Variants in GALNS observed in about 807,000 individuals in gnomAD.
GALNS encodes N-acetylgalactosamine-6-sulfatase.
Under a neutral mutation model 65.9 loss-of-function variants are expected in GALNS, and 65 were observed. That is an observed-to-expected ratio of 0.99 (90% CI 0.81 to 1.21). The LOEUF is 1.21. Among genes scored for constraint, GALNS ranks in the 50% most tolerant of loss-of-function variants. The probability of loss-of-function intolerance (pLI) is 0.00; values close to 1 mark genes in which losing one functional copy is unlikely to be tolerated. For synonymous variants in GALNS, 346 were observed against 288.9 expected (o/e 1.20, Z -2.00); for missense variants, 776 against 700.7 (o/e 1.11, Z -1.21).
intron 12 of GALNS, among the ~76,000 whole-genome samples, chr16:88,818,474 T>C (rs1033224304): frequency 7.2e-5 from 11 of 152,214 alleles, no homozygotes; most frequent in Non-Finnish European, 1.5e-4. Flanking sequence ...CACTCACTAC[T>C]ACGTAAACAT....
chr16:88,821,975 C>T (rs1273135945), intron 12 of GALNS, among the ~76,000 whole-genome samples: 5 of 151,850 alleles, frequency 3.3e-5, no homozygotes, highest in Non-Finnish European at 7.4e-5. Flanking sequence ...AGCCCTAGCC[C>T]AGGGAGATGG....
At chr16:88,820,182 G>A (rs1910058973) in intron 12 of GALNS, among the ~76,000 whole-genome samples, 1 of 151,846 alleles carries the variant, frequency 6.6e-6, no homozygotes, top group African/African-American at 2.4e-5. Context: ...AGGCTGGAGT[G>A]CAGTGGTGCG....
At chr16:88,851,981 G>A (rs143698705) in intron 1 of GALNS, among the ~76,000 whole-genome samples, 31 of 152,342 alleles carry the variant, frequency 2.0e-4, no homozygotes, top group Non-Finnish European at 3.8e-4. Context: ...AAACGTCCCC[G>A]TCTGACAGCT....
At chr16:88,851,584 TG>T (rs1486588847) in intron 1 of GALNS, among the ~76,000 whole-genome samples, 6 of 152,162 alleles carry the variant, frequency 3.9e-5, no homozygotes, top group Non-Finnish European at 5.9e-5. Flanking sequence ...TGCGAGGGGT[TG>T]GGGGATTTCC....
intron 11 of GALNS, among the ~76,000 whole-genome samples, chr16:88,824,000 C>T (rs1418337661): frequency 6.6e-6 from 1 of 152,218 alleles, no homozygotes; most frequent in Non-Finnish European, 1.5e-5. Flanking sequence ...AGACACTGCC[C>T]CACGAGCAGC....
chr16:88,848,049 G>A (rs1967332529), intron 1 of GALNS, among the ~76,000 whole-genome samples: 1 of 152,212 alleles, frequency 6.6e-6, no homozygotes, highest in East Asian at 1.9e-4. Context: ...GGCTGTGTGT[G>A]TGAAGCCCAA....
intron 10 of GALNS, among the ~76,000 whole-genome samples, chr16:88,826,220 T>A (rs1910888922): frequency 9.8e-6 from 1 of 102,116 alleles, no homozygotes; most frequent in Admixed American, 1.4e-4. Flanking sequence ...TGTGCCCAGG[T>A]ACAGGCAGGC....
In GALNS at chr16:88,814,491, T is replaced by G; in HGVS notation, c.1517A>C (p.Lys506Thr). Reference sequence around the variant, plus strand: ...AATGGATTCTGGAGGTGTCAGACACTTCCCTAACTTTTCACAGCCCGGAGG... The same window carrying G: ...AATGGATTCTGGAGGTGTCAGACACGTCCCTAACTTTTCACAGCCCGGAGG... The part of the protein sequence containing the change: ...WAPPGCEKLG[K>T]CLTPPESIPK... Residue 506 changes from lysine (K) to threonine (T), a missense_variant, in exon 14 of 14, where the codon AAG (lysine) becomes ACG (threonine). Physicochemically the swap from Lys to Thr is moderately conservative, Grantham distance 78. Coordinates refer to ENST00000268695, the MANE Select transcript of GALNS (RefSeq NM_000512.5). 6.4e-7 allele frequency: 1 copy of G among 1,561,906 alleles called. No homozygotes were observed. Among genetic ancestry groups the G allele is most frequent in the Non-Finnish European group, 8.7e-7 (1 of 1,152,344 alleles).
At chr16:88,843,166 A>G (rs1441794633) in intron 1 of GALNS, 1 of 1,395,524 alleles carries the variant, frequency 7.2e-7, no homozygotes, top group Non-Finnish European at 9.5e-7. Context: ...CAGCATCTGC[A>G]TGCTCGCAGG....
In GALNS at chr16:88,855,000, G is replaced by A. The variant is rs554449916; in HGVS notation, c.120+1758C>T. The A allele has an allele frequency of 1.2e-3, 386 of 329,988 alleles. 3 individuals are homozygous for A. The highest frequency in any genetic ancestry group is 7.3e-3 in the South Asian group (311 of 42,366). 20.4% of individuals were successfully genotyped at this position (329,988 alleles called of 1,614,324 possible). ...TGTCACCCTCCCCCACATGTGCCCC[G>A]GTGGCCACACCCCACCCCTCCACCC... On this transcript the variant is annotated intron_variant, in intron 1 of 13. Coordinates refer to ENST00000268695, the MANE Select transcript of GALNS (RefSeq NM_000512.5).
At chr16:88,843,015 C>A in intron 1 of GALNS, 186 bp from the exon 2 acceptor site, 2 of 1,525,624 alleles carry the variant, frequency 1.3e-6, no homozygotes, top group Non-Finnish European at 1.7e-6. Flanking sequence ...GGGGCCGCTC[C>A]ACGCCAGCCC....
At chr16:88,849,175 C>T (rs1198761656) in intron 1 of GALNS, among the ~76,000 whole-genome samples, 1 of 152,220 alleles carries the variant, frequency 6.6e-6, no homozygotes, top group Non-Finnish European at 1.5e-5. Flanking sequence ...AGTACAGTGG[C>T]GCGATCTTGG....
At position 88,841,067 on chromosome 16, in the gene GALNS, C is replaced by A. The variant is rs1966945369; in HGVS notation, c.347G>T (p.Gly116Val). 6.2e-7 allele frequency: 1 copy of A among 1,613,186 alleles called. No homozygotes were observed. The highest frequency in any genetic ancestry group is 1.1e-5 in the South Asian group (1 of 91,082). ...CAGGAGCTGCTCCGAGTCTGGGATG[C>A]CGCCCACAATCTCCTGCGGTGTGTA... ...NAYTPQEIVGGIPDSEQLLPE... is the reference protein window; with the variant it reads ...NAYTPQEIVGVIPDSEQLLPE... Residue 116 changes from glycine to valine, a missense_variant, in exon 4 of 14, where the codon GGC (glycine) becomes GTC (valine). Physicochemically the swap from Gly to Val is moderately radical, Grantham distance 109 (BLOSUM62 -3). Transcript: ENST00000268695.
At chr16:88,852,229 C>G (rs185914352) in intron 1 of GALNS, among the ~76,000 whole-genome samples, 1 of 152,218 alleles carries the variant, frequency 6.6e-6, no homozygotes, top group Non-Finnish European at 1.5e-5. Flanking sequence ...ACTGGTGATA[C>G]CCAGGCAAAC....
chr16:88,849,719 C>T (rs1386044113), intron 1 of GALNS, among the ~76,000 whole-genome samples: 1 of 152,186 alleles, frequency 6.6e-6, no homozygotes, highest in South Asian at 2.1e-4. Context: ...CCACCACGCC[C>T]AGCCCTGAGA....
intron 13 of GALNS, chr16:88,815,069 C>G: frequency 1.2e-6 from 1 of 864,128 alleles, no homozygotes; most frequent in Non-Finnish European, 1.3e-6. Flanking sequence ...CCAGGTCAAC[C>G]CCGGACCCCA....
chr16:88,834,353 A>AG (rs1911845995), intron 8 of GALNS, among the ~76,000 whole-genome samples: 1 of 132,076 alleles, frequency 7.6e-6, no homozygotes, highest in Non-Finnish European at 1.6e-5. Context: ...AAGAGGCTGC[A>AG]GGGCCCCCCC....
intron 1 of GALNS, chr16:88,844,667 C>CA (rs1967154559): frequency 6.6e-6 from 1 of 152,334 alleles, no homozygotes; most frequent in Non-Finnish European, 1.5e-5. Flanking sequence ...CTGGGAAAGA[C>CA]AACACATTCT....
intron 1 of GALNS, among the ~76,000 whole-genome samples, chr16:88,854,727 C>T (rs1313448760): frequency 6.6e-6 from 1 of 152,240 alleles, no homozygotes; most frequent in East Asian, 1.9e-4. Context: ...AGTTCAGAGG[C>T]AGCAGAGCCA....
Sources: gnomAD v4.1 joint callset for allele counts (sites outside exome capture counted in the v4.1 genomes callset) on GRCh38, gnomAD v4.1.1 for gene constraint, MANE v1.5 for transcripts, NCBI Gene and HGNC (gene_info 2026-07-23, HGNC 2026-07-21) for gene names.